CRISP1: variants seen among roughly 807,000 people sequenced by gnomAD.
CRISP1 encodes the protein cysteine-rich secretory protein 1.
Under a neutral mutation model 33.1 loss-of-function variants are expected in CRISP1, and 44 were observed. The ratio of observed to expected loss-of-function variants is 1.33; its 90% CI spans 1.05 to 1.71. The LOEUF is 1.71. Ranked by LOEUF, CRISP1 falls within the 40% of genes most tolerant of loss-of-function variation. CRISP1 has a pLI of 0.00. For synonymous variants in CRISP1, 103 were observed against 98.7 expected (o/e 1.04, Z -0.26); for missense variants, 390 against 301.2 (o/e 1.29, Z -2.18).
intron 4 of CRISP1, among the ~76,000 whole-genome samples, chr6:49,847,338 G>T (rs1771210689): frequency 6.6e-6 from 1 of 152,136 alleles, no homozygotes; most frequent in Non-Finnish European, 1.5e-5. Flanking sequence ...CGTGTTGAAG[G>T]TGGGGCCTGA....
intron 4 of CRISP1, among the ~76,000 whole-genome samples, chr6:49,847,063 T>G (rs893491563): frequency 6.6e-6 from 1 of 152,154 alleles, no homozygotes; most frequent in Non-Finnish European, 1.5e-5. Flanking sequence ...TATTTAGCCA[T>G]TCATGTATGG....
intron 1 of CRISP1, among the ~76,000 whole-genome samples, chr6:49,874,326 C>A (rs894515153): frequency 6.6e-6 from 1 of 151,960 alleles, no homozygotes; most frequent in Non-Finnish European, 1.5e-5. Context: ...GAAAAATAGA[C>A]CCAATTGATT....
intron 2 of CRISP1, among the ~76,000 whole-genome samples, chr6:49,855,997 C>A (rs1450445262): frequency 1.3e-5 from 2 of 152,152 alleles, no homozygotes; most frequent in Admixed American, 1.3e-4. Context: ...ACCAAACTAT[C>A]TATAAAATGT....
intron 2 of CRISP1, among the ~76,000 whole-genome samples, chr6:49,853,502 C>T (rs1771410472): frequency 6.6e-6 from 1 of 152,150 alleles, no homozygotes; most frequent in Non-Finnish European, 1.5e-5. Flanking sequence ...CTTTAGACTT[C>T]TCCTTCAGTC....
Position 49,835,457 on chromosome 6 carries a change from G to A in CRISP1, c.623-14C>T. Reference sequence around the variant, plus strand: ...TGCAGGGGTTAGCTGAAAGAAAATAGTATGGTTTTACAACACAGTCTTTTA... The same window carrying A: ...TGCAGGGGTTAGCTGAAAGAAAATAATATGGTTTTACAACACAGTCTTTTA... On this transcript the variant is annotated splice_polypyrimidine_tract_variant and intron_variant, in intron 7 of 7. Coordinates refer to ENST00000335847, the MANE Select transcript of CRISP1 (RefSeq NM_001131.3). 6.2e-7 allele frequency: 1 copy of A among 1,612,094 alleles called. No individual in the cohort carries two copies.
At chr6:49,842,855 A>G (rs1771038827) in intron 5 of CRISP1, among the ~76,000 whole-genome samples, 2 of 152,218 alleles carry the variant, frequency 1.3e-5, no homozygotes, top group South Asian at 4.1e-4. Context: ...AGAGGAATCC[A>G]TAACTGGTGG....
In CRISP1 at chr6:49,835,069, C is replaced by T; in HGVS notation, c.*247G>A. The T allele has an allele frequency of 2.9e-6, 1 of 346,928 alleles. No individual in the cohort carries two copies. Among genetic ancestry groups the T allele is most frequent in the Non-Finnish European group, 5.2e-6 (1 of 193,046 alleles). The allele number at this position is 346,928 out of a possible 1,614,324, so 21.5% of individuals were successfully genotyped here. On this transcript the variant is annotated 3_prime_UTR_variant, in exon 8 of 8. Coordinates refer to ENST00000335847, the MANE Select transcript of CRISP1 (RefSeq NM_001131.3). ...AGTTATACCATAAGTTGAATTATGC[C>T]AACTTAAAAACTATAAATCACATGA...
At chr6:49,873,188 TAAAATAA>T (rs1481674771) in intron 1 of CRISP1, among the ~76,000 whole-genome samples, 1 of 151,596 alleles carries the variant, frequency 6.6e-6, no homozygotes, top group Non-Finnish European at 1.5e-5. Context: ...AATAAAAAAA[TAAAATAA>T]AATAAAAAGG....
At chr6:49,841,663 G>A (rs938203503) in intron 5 of CRISP1, among the ~76,000 whole-genome samples, 2 of 152,108 alleles carry the variant, frequency 1.3e-5, no homozygotes, top group African/African-American at 4.8e-5. Context: ...GCTGCTTGGT[G>A]GTTATATAAA....
At chr6:49,872,041 C>T (rs1771935880) in intron 1 of CRISP1, among the ~76,000 whole-genome samples, 1 of 152,142 alleles carries the variant, frequency 6.6e-6, no homozygotes, top group African/African-American at 2.4e-5. Flanking sequence ...TCTTATTTCT[C>T]CACATCCTCT....
chr6:49,836,421 T>C (rs1042965995), intron 7 of CRISP1, among the ~76,000 whole-genome samples: 12 of 151,494 alleles, frequency 7.9e-5, no homozygotes, highest in Non-Finnish European at 1.5e-4. Context: ...CTGCAAGCTC[T>C]GCCTCCCGGG....
chr6:49,874,358 G>GA (rs1771988250), intron 1 of CRISP1, among the ~76,000 whole-genome samples: 1 of 152,004 alleles, frequency 6.6e-6, no homozygotes, highest in African/African-American at 2.4e-5. Flanking sequence ...AAAACACTCA[G>GA]AAAAATCATG....
chr6:49,839,272 CAAAAAAAAAAAAAAAAA>C (rs60021006), intron 6 of CRISP1, among the ~76,000 whole-genome samples: 10 of 54,868 alleles, frequency 1.8e-4, no homozygotes, highest in Non-Finnish European at 2.9e-4. Context: ...TTCATATCTA[CAAAAAAAAAAAAAAAAA>C]AAAAAAAAAA....
intron 5 of CRISP1, among the ~76,000 whole-genome samples, chr6:49,846,162 A>C (rs1046430429): frequency 6.6e-6 from 1 of 152,192 alleles, no homozygotes; most frequent in Non-Finnish European, 1.5e-5. Context: ...AATTTTTTAA[A>C]TGTATATCTT....
upstream of CRISP1, chr6:49,866,596 G>A (rs1221176283): frequency 6.6e-6 from 1 of 152,100 alleles, no homozygotes; most frequent in Non-Finnish European, 1.5e-5. Context: ...TGGACACCAG[G>A]CATGAATACA....
chr6:49,838,877 TA>T (rs1180737370), intron 6 of CRISP1, among the ~76,000 whole-genome samples: 1 of 152,194 alleles, frequency 6.6e-6, no homozygotes, highest in East Asian at 1.9e-4. Flanking sequence ...TCTTCATTAA[TA>T]CCTATAAGGA....
intron 1 of CRISP1, among the ~76,000 whole-genome samples, chr6:49,861,739 T>G (rs780780): frequency 1 from 151,561 of 152,204 alleles, 75,466 homozygotes; most frequent in Middle Eastern, 1. Flanking sequence ...CAAAATATTA[T>G]CAAGGCATGG....
upstream of CRISP1, among the ~76,000 whole-genome samples, chr6:49,869,582 G>T (rs533887470): frequency 6.6e-6 from 1 of 152,212 alleles, no homozygotes; most frequent in South Asian, 2.1e-4. Context: ...TTTAAATTCA[G>T]TTTTTTCTAC....
rs577427676 is a variant in CRISP1 at position 49,855,535 on chromosome 6, C to T, written c.66+1800G>A. Among the ~76,000 whole-genome samples, 32 of 151,732 alleles carry T rather than the reference C, an allele frequency of 2.1e-4. No homozygotes were observed. In the South Asian group the frequency reaches 6.6e-3, roughly 32 times the overall value. ...TACCTTTGATAGTACACCTTGTTAA[C>T]TTGCAAAGCCAACTTATTCTTCAGA... is the stretch of plus-strand genomic sequence containing the variant. On this transcript the variant is annotated intron_variant, in intron 2 of 7. Coordinates refer to ENST00000335847, the MANE Select transcript of CRISP1 (RefSeq NM_001131.3).
Sources: gnomAD v4.1 joint callset for allele counts (sites outside exome capture counted in the v4.1 genomes callset) on GRCh38, gnomAD v4.1.1 for gene constraint, MANE v1.5 for transcripts, NCBI Gene and HGNC (gene_info 2026-07-23, HGNC 2026-07-21) for gene names.